The following GALNT13 variants were observed in gnomAD, a reference collection of about 807,000 sequenced individuals.
GALNT13 encodes the protein polypeptide N-acetylgalactosaminyltransferase 13, also known as UDP-GalNAc:polypeptide N-acetylgalactosaminyltransferase 13.
A neutral mutation model predicts 64.2 loss-of-function variants in GALNT13; 28 were observed. The ratio of observed to expected loss-of-function variants is 0.44; its 90% CI spans 0.32 to 0.60. The LOEUF (loss-of-function observed/expected upper bound fraction) is 0.60, where lower values mean the gene tolerates loss of function less well. GALNT13 is among the 20% of genes least tolerant of loss of function. The pLI is 0.05. For synonymous variants in GALNT13, 214 were observed against 224.6 expected, an observed-to-expected ratio of 0.95 and a Z score of 0.42; for missense variants, 577 against 669.8, an observed-to-expected ratio of 0.86 and a Z score of 1.53.
intron 9 of GALNT13, among the ~76,000 whole-genome samples, chr2:154,303,119 G>A (rs1220899329): frequency 6.6e-6 from 1 of 152,088 alleles, no homozygotes; most frequent in Non-Finnish European, 1.5e-5. Context: ...CTCATGCCAA[G>A]AAAATTTAGG....
chr2:153,151,712 C>G, the GALNT13 span, among the ~76,000 whole-genome samples: 1 of 151,950 alleles, frequency 6.6e-6, no homozygotes, highest in African/African-American at 2.4e-5. Flanking sequence ...CCATCATTCT[C>G]AGCAAACTAT....
chr2:153,629,060 C>G, the GALNT13 span, among the ~76,000 whole-genome samples: 699 of 152,180 alleles, frequency 4.6e-3, 4 homozygotes, highest in African/African-American at 0.016. Flanking sequence ...CAAATTCTTC[C>G]TGGTTTAGTC....
chr2:153,943,275 A>G (rs1175665067), intron 2 of GALNT13, among the ~76,000 whole-genome samples: 1 of 152,034 alleles, frequency 6.6e-6, no homozygotes, highest in Non-Finnish European at 1.5e-5. Flanking sequence ...TCTTGCTCTG[A>G]TTATTTTAAA....
chr2:153,963,729 C>G lies in GALNT13; in HGVS notation c.142+19090C>G, dbSNP rs865906031. Among the ~76,000 whole-genome samples, 398 of 117,132 alleles carry G rather than the reference C, an allele frequency of 3.4e-3. 2 individuals are homozygous for G. Among genetic ancestry groups the G allele is most frequent in the African/African-American group, 0.011 (328 of 29,570 alleles). The allele number at this position is 117,132 out of a possible 152,430, so 76.8% of individuals were successfully genotyped here. A position where few individuals can be genotyped will look rare whatever the true frequency, so the allele number is the denominator to read the frequency against. On this transcript the variant is annotated intron_variant, in intron 3 of 12. Transcript: ENST00000392825. ...TCTCTCCGTCTCTCTCTCTCTCTCT[C>G]TCTGTGTGTGTGTGTGTGTGTGTGT... is the stretch of plus-strand genomic sequence containing the variant.
At position 154,042,403 on chromosome 2, in the gene GALNT13, A is replaced by G. The variant is rs1005533984; in HGVS notation, c.142+97764A>G. Among the ~76,000 whole-genome samples the G allele has an allele frequency of 7.8e-5, 7 of 90,080 alleles. 2 individuals carry two copies. The highest frequency in any genetic ancestry group is 1.1e-4 in the African/African-American group (4 of 35,822). 59.1% of individuals were successfully genotyped at this position (90,080 alleles called of 152,430 possible). A position where few individuals can be genotyped will look rare whatever the true frequency, so the allele number is the denominator to read the frequency against. On this transcript the variant is annotated intron_variant, in intron 3 of 12. Coordinates refer to ENST00000392825, the MANE Select transcript of GALNT13 (RefSeq NM_052917.4). ...AGAAATACCTTATAGTCAGTGGGGG[A>G]AAAAAAACTAGCAGACTTTTACTAC... is the stretch of plus-strand genomic sequence containing the variant.
intron 8 of GALNT13, among the ~76,000 whole-genome samples, chr2:154,280,800 C>T (rs1321479833): frequency 6.6e-6 from 1 of 152,168 alleles, no homozygotes; most frequent in Non-Finnish European, 1.5e-5. Context: ...GCAGATGTTA[C>T]TGATATCTGA....
chr2:153,570,372 G>A, the GALNT13 span, among the ~76,000 whole-genome samples: 1 of 152,084 alleles, frequency 6.6e-6, no homozygotes, highest in Admixed American at 6.6e-5. Flanking sequence ...GATGGTTTGT[G>A]AATATTTTCC....
chr2:153,074,032 G>C, the GALNT13 span, among the ~76,000 whole-genome samples: 5 of 152,108 alleles, frequency 3.3e-5, no homozygotes, highest in Non-Finnish European at 5.9e-5. Context: ...TCAGATTCAA[G>C]TTCAAATATT....
chr2:154,218,167 G>A (rs999319855), intron 4 of GALNT13, among the ~76,000 whole-genome samples: 4 of 152,114 alleles, frequency 2.6e-5, no homozygotes, highest in African/African-American at 9.7e-5. Context: ...AGAATGGTCT[G>A]ACTTTCATCA....
At chr2:153,896,707 A>G (rs1687918407) in intron 1 of GALNT13, among the ~76,000 whole-genome samples, 1 of 152,076 alleles carries the variant, frequency 6.6e-6, no homozygotes, top group South Asian at 2.1e-4. Context: ...AGTACCCGAT[A>G]GGTAGTTTTT....
the GALNT13 span, among the ~76,000 whole-genome samples, chr2:153,132,610 A>G: frequency 6.6e-6 from 1 of 152,160 alleles, no homozygotes; most frequent in South Asian, 2.1e-4. Context: ...TCTGATTAGT[A>G]TATCGATTCT....
At chr2:153,201,977 T>TG in the GALNT13 span, among the ~76,000 whole-genome samples, 2 of 131,062 alleles carry the variant, frequency 1.5e-5, no homozygotes, top group African/African-American at 3.6e-5. Context: ...CCATTTCTTT[T>TG]TTTTTTTTTT....
chr2:153,820,252 A>T, the GALNT13 span, among the ~76,000 whole-genome samples: 1 of 152,228 alleles, frequency 6.6e-6, no homozygotes, highest in African/African-American at 2.4e-5. Context: ...AGTGCCAAAC[A>T]TACAAATTAT....
intron 4 of GALNT13, among the ~76,000 whole-genome samples, chr2:154,175,094 G>T (rs555095274): frequency 8.4e-4 from 128 of 151,978 alleles, no homozygotes; most frequent in Non-Finnish European, 1.5e-3. Context: ...TGATTAGACG[G>T]GTTATAAATT....
chr2:154,263,790 A>T (rs1034113773), intron 8 of GALNT13, among the ~76,000 whole-genome samples: 16 of 152,162 alleles, frequency 1.1e-4, no homozygotes, highest in African/African-American at 3.9e-4. Context: ...AGTATGTATC[A>T]TCTAGACTTG....
intron 11 of GALNT13, among the ~76,000 whole-genome samples, chr2:154,435,553 G>A (rs943696936): frequency 6.6e-6 from 1 of 152,094 alleles, no homozygotes; most frequent in Non-Finnish European, 1.5e-5. Context: ...TAATCTAGAG[G>A]GTCATAATAC....
At chr2:153,967,843 A>T (rs1353581481) in intron 3 of GALNT13, among the ~76,000 whole-genome samples, 1 of 152,136 alleles carries the variant, frequency 6.6e-6, no homozygotes, top group African/African-American at 2.4e-5. Flanking sequence ...CTGTCAGTGC[A>T]GTGGATTCCC....
intron 1 of GALNT13, among the ~76,000 whole-genome samples, chr2:153,885,043 GATAAA>G (rs1269919515): frequency 1.3e-5 from 2 of 149,332 alleles, no homozygotes; most frequent in African/African-American, 2.5e-5. Flanking sequence ...TGTCTCAAAA[GATAAA>G]ATAAAGTAAA....
chr2:154,241,209 A>C (rs143675538), intron 4 of GALNT13, among the ~76,000 whole-genome samples: 3,120 of 152,256 alleles, frequency 0.02, 63 homozygotes, highest in Non-Finnish European at 0.025. Flanking sequence ...TTATAGGCAC[A>C]GGATGGCAGG....
Sources: gnomAD v4.1 joint callset for allele counts (sites outside exome capture counted in the v4.1 genomes callset) on GRCh38, gnomAD v4.1.1 for gene constraint, MANE v1.5 for transcripts, NCBI Gene and HGNC (gene_info 2026-07-23, HGNC 2026-07-21) for gene names.